FMN1: variants seen among roughly 807,000 people sequenced by gnomAD.
The protein encoded by FMN1 is formin-1.
A neutral mutation model predicts 132.4 loss-of-function variants in FMN1; 110 were observed. The ratio of observed to expected loss-of-function variants is 0.83; its 90% confidence interval spans 0.71 to 0.97. The LOEUF (loss-of-function observed/expected upper bound fraction) is 0.97. Among genes scored for constraint, FMN1 ranks in the 50% least tolerant of loss-of-function variants. The pLI, the probability that FMN1 is intolerant of heterozygous loss-of-function variation, is 0.00. For missense variants in FMN1, 1,792 were observed against 1,705.3 expected, an observed-to-expected ratio of 1.05 and a Z score of -0.90; for synonymous variants, 722 against 651.7, an observed-to-expected ratio of 1.11 and a Z score of -1.64.
At chr15:32,785,222 T>A (rs1444266580) in intron 19 of FMN1, among the ~76,000 whole-genome samples, 2,323 of 44,000 alleles carry the variant, frequency 0.053, 318 homozygotes, top group South Asian at 0.15. Flanking sequence ...ATATATATTT[T>A]TTTTTTTTTT....
At chr15:33,060,692 C>T (rs1242466859) in intron 6 of FMN1, among the ~76,000 whole-genome samples, 2 of 152,206 alleles carry the variant, frequency 1.3e-5, no homozygotes, top group East Asian at 3.8e-4. Flanking sequence ...TTCCCCAGCC[C>T]CAGGCCAGCT....
intron 17 of FMN1, among the ~76,000 whole-genome samples, chr15:32,854,043 T>C (rs1266523193): frequency 6.6e-6 from 1 of 152,224 alleles, no homozygotes; most frequent in African/African-American, 2.4e-5. Context: ...GTAGAAGAAA[T>C]ATAATTTAGC....
At chr15:33,097,224 A>G (rs956499412) in intron 4 of FMN1, among the ~76,000 whole-genome samples, 1 of 151,310 alleles carries the variant, frequency 6.6e-6, no homozygotes, top group Admixed American at 6.6e-5. Flanking sequence ...TTGTTACTTG[A>G]GCCTGGGAGG....
chr15:32,861,335 G>A (rs937283670), intron 16 of FMN1, among the ~76,000 whole-genome samples: 14 of 152,150 alleles, frequency 9.2e-5, no homozygotes, highest in African/African-American at 2.7e-4. Context: ...AGGGTTGATC[G>A]CTGCAGCTCT....
intron 6 of FMN1, among the ~76,000 whole-genome samples, chr15:33,041,526 A>G (rs761943624): frequency 6.6e-6 from 1 of 151,502 alleles, no homozygotes; most frequent in South Asian, 2.1e-4. Context: ...TTTATTTTCT[A>G]ATGTTTACAA....
At chr15:33,105,968 T>G (rs2039469045) in intron 4 of FMN1, 1 of 152,116 alleles carries the variant, frequency 6.6e-6, no homozygotes, top group Admixed American at 6.6e-5. Flanking sequence ...ATGTGTAGCA[T>G]GAAGGGGTGA....
At chr15:32,845,106 A>G (rs2141232294) in intron 17 of FMN1, among the ~76,000 whole-genome samples, 1 of 152,356 alleles carries the variant, frequency 6.6e-6, no homozygotes, top group East Asian at 1.9e-4. Context: ...TTCATTATGA[A>G]GAAGACAATA....
intron 4 of FMN1, among the ~76,000 whole-genome samples, chr15:33,110,788 C>G (rs2039672339): frequency 6.6e-6 from 1 of 151,334 alleles, no homozygotes; most frequent in Admixed American, 6.6e-5. Context: ...GCCATTTTCT[C>G]TGTTATTAAA....
At chr15:33,067,805 T>A in intron 5 of FMN1, 1 of 1,614,038 alleles carries the variant, frequency 6.2e-7, no homozygotes, top group Non-Finnish European at 8.5e-7. Context: ...CAGGATCGAC[T>A]GAGCCACTTC....
chr15:32,996,199 A>T (rs114069024), intron 7 of FMN1, among the ~76,000 whole-genome samples: 2,639 of 152,250 alleles, frequency 0.017, 92 homozygotes, highest in African/African-American at 0.061. Context: ...TGTCACACCC[A>T]CTTTAAAGGT....
At chr15:32,826,260 C>T (rs2058363621) in intron 17 of FMN1, among the ~76,000 whole-genome samples, 1 of 152,134 alleles carries the variant, frequency 6.6e-6, no homozygotes, top group Admixed American at 6.5e-5. Flanking sequence ...GGTCAAGTGT[C>T]CCACAGCCCA....
intron 16 of FMN1, among the ~76,000 whole-genome samples, chr15:32,873,301 T>C (rs2059559321): frequency 6.6e-6 from 1 of 152,150 alleles, no homozygotes; most frequent in Non-Finnish European, 1.5e-5. Context: ...TAGGATGTGT[T>C]TGAAAATAGA....
chr15:32,961,696 G>C (rs1434720964), intron 9 of FMN1, among the ~76,000 whole-genome samples: 1 of 152,120 alleles, frequency 6.6e-6, no homozygotes, highest in Non-Finnish European at 1.5e-5. Context: ...TGCTGAGCCT[G>C]ATACATGGAT....
At position 33,194,026 on chromosome 15, in the gene FMN1, T is replaced by C. The variant is rs1383987089; in HGVS notation, c.-314A>G. The C allele has an allele frequency of 6.6e-6, 1 of 151,464 alleles. No individual in the cohort carries two copies. The highest frequency in any genetic ancestry group is 1.9e-4 in the East Asian group (1 of 5,134). The allele number at this position is 151,464 out of a possible 1,614,324, so 9.4% of individuals were successfully genotyped here. ...GTGGCAATGGTGATGATGATGATGA[T>C]GAAAGAAGAAGAAAACGGTGATGGT... On this transcript the variant is annotated 5_prime_UTR_variant, in exon 2 of 21. Transcript: ENST00000616417.
At chr15:32,988,289 G>A (rs538326520) in intron 7 of FMN1, among the ~76,000 whole-genome samples, 1 of 151,908 alleles carries the variant, frequency 6.6e-6, no homozygotes, top group Non-Finnish European at 1.5e-5. Context: ...AAAGCGTTGG[G>A]GAAGAGGAAG....
At chr15:32,969,544 C>G (rs1334425241) in intron 7 of FMN1, 67 bp from the exon 8 acceptor site, 3 of 1,522,044 alleles carry the variant, frequency 2.0e-6, no homozygotes, top group East Asian at 2.3e-5. Flanking sequence ...AATTTAGAAA[C>G]TCAATAATAC....
chr15:33,123,954 A>G (rs1271051821), intron 4 of FMN1, among the ~76,000 whole-genome samples: 6 of 152,238 alleles, frequency 3.9e-5, no homozygotes, highest in Non-Finnish European at 7.3e-5. Context: ...TAATCATTAC[A>G]ACTTCACAAT....
At chr15:32,879,588 A>ACTTC (rs1220579416) in intron 16 of FMN1, among the ~76,000 whole-genome samples, 1 of 152,184 alleles carries the variant, frequency 6.6e-6, no homozygotes, top group African/African-American at 2.4e-5. Flanking sequence ...CTCCTGAGGT[A>ACTTC]CTTCCTCAGG....
chr15:32,908,283 G>A (rs368826582), intron 12 of FMN1: 41 of 486,682 alleles, frequency 8.4e-5, no homozygotes, highest in African/African-American at 6.6e-4. Context: ...GGAGGGGGGT[G>A]AGACACACTG....
Sources: gnomAD v4.1 joint callset for allele counts (sites outside exome capture counted in the v4.1 genomes callset) on GRCh38, gnomAD v4.1.1 for gene constraint, MANE v1.5 for transcripts, NCBI Gene and HGNC (gene_info 2026-07-23, HGNC 2026-07-21) for gene names.